Variants in NKAIN2 observed in about 807,000 individuals in gnomAD.
NKAIN2 encodes sodium/potassium-transporting ATPase subunit beta-1-interacting protein 2.
A neutral mutation model predicts 32.6 loss-of-function variants in NKAIN2; 14 were observed. The ratio of observed to expected loss-of-function variants is 0.43; its 90% CI spans 0.28 to 0.67. The LOEUF is 0.67. Among genes scored for constraint, NKAIN2 ranks in the 30% least tolerant of loss-of-function variants. NKAIN2 has a pLI of 0.17. For synonymous variants in NKAIN2, 80 were observed against 87.2 expected, an observed-to-expected ratio of 0.92 and a Z score of 0.46; for missense variants, 198 against 258.3, an observed-to-expected ratio of 0.77 and a Z score of 1.60.
intron 3 of NKAIN2, among the ~76,000 whole-genome samples, chr6:124,420,272 ACT>A (rs1774687547): frequency 6.6e-6 from 1 of 152,188 alleles, no homozygotes; most frequent in African/African-American, 2.4e-5. Context: ...TCTTGGCCTT[ACT>A]CTCTGTATTG....
chr6:124,673,411 G>A (rs190553913), intron 4 of NKAIN2, among the ~76,000 whole-genome samples: 60 of 152,176 alleles, frequency 3.9e-4, no homozygotes, highest in Non-Finnish European at 7.8e-4. Flanking sequence ...ATCCAAAAGT[G>A]AAATTGTTGA....
chr6:124,718,384 A>T (rs964318502), intron 4 of NKAIN2, among the ~76,000 whole-genome samples: 3 of 152,146 alleles, frequency 2.0e-5, no homozygotes, highest in African/African-American at 4.8e-5. Context: ...TTCAAAGTTC[A>T]TTCATGTCAT....
rs562898182 is a variant in NKAIN2 at position 123,809,442 on chromosome 6, A to G, written c.54+5188A>G. ...CATTTGTTCTTACCATTCCCAAGAG[A>G]TTAAAGCACATTTAAAAATTATGAA... On this transcript the variant is annotated intron_variant, in intron 1 of 6. Transcript: ENST00000368417. 1.7e-4 allele frequency among the ~76,000 whole-genome samples: 26 copies of G among 152,302 alleles called. No individual in the cohort carries two copies. The East Asian group carries it at 5.0e-3, about 29-fold the overall frequency.
In NKAIN2 at chr6:124,056,280, T is replaced by G. The variant is rs146703449; in HGVS notation, c.55-226725T>G. Among the ~76,000 whole-genome samples the G allele has an allele frequency of 3.5e-3, 526 of 152,064 alleles. 5 individuals are homozygous for G. Among genetic ancestry groups the G allele is most frequent in the East Asian group, 0.031 (161 of 5,164 alleles). ...CCACACAGTAATTGGTACTACATTT[T>G]TTTCTCATATAAAAAATAATAAAGC... is the stretch of plus-strand genomic sequence containing the variant. On this transcript the variant is annotated intron_variant, in intron 1 of 6. Transcript: ENST00000368417.
intron 3 of NKAIN2, among the ~76,000 whole-genome samples, chr6:124,553,177 T>C (rs568922358): frequency 5.9e-5 from 9 of 152,232 alleles, no homozygotes; most frequent in African/African-American, 2.2e-4. Context: ...TGAATCGTTA[T>C]TGGAATTCCT....
chr6:124,053,388 C>T (rs887339738), intron 1 of NKAIN2, among the ~76,000 whole-genome samples: 9 of 152,070 alleles, frequency 5.9e-5, no homozygotes, highest in African/African-American at 2.2e-4. Flanking sequence ...GTTAATCACA[C>T]ATCTCTTCTT....
intron 1 of NKAIN2, among the ~76,000 whole-genome samples, chr6:124,050,219 A>C (rs17086545): frequency 6.6e-6 from 1 of 151,814 alleles, no homozygotes; most frequent in East Asian, 2.0e-4. Flanking sequence ...TTATAGTTTT[A>C]TAGGGCACTC....
rs185941740 is a variant in NKAIN2 at position 123,906,434 on chromosome 6, G to A, written c.54+102180G>A. Among the ~76,000 whole-genome samples, 623 of 152,178 alleles carry A rather than the reference G, an allele frequency of 4.1e-3. 2 individuals carry two copies. The highest frequency in any genetic ancestry group is 7.3e-3 in the Non-Finnish European group (497 of 67,998). ...GCCTCCTGAGTAGCTGGGACTACAG[G>A]CATGCGCCATCACATCCAGCTAATT... is the stretch of plus-strand genomic sequence containing the variant. On this transcript the variant is annotated intron_variant, in intron 1 of 6. Transcript: ENST00000368417.
intron 3 of NKAIN2, among the ~76,000 whole-genome samples, chr6:124,584,219 A>G (rs1256085166): frequency 1.3e-5 from 2 of 152,204 alleles, no homozygotes; most frequent in South Asian, 2.1e-4. Flanking sequence ...CCACAGAACA[A>G]GAGAAAACAT....
chr6:123,819,960 A>G (rs1773857682), intron 1 of NKAIN2, among the ~76,000 whole-genome samples: 1 of 152,220 alleles, frequency 6.6e-6, no homozygotes, highest in African/African-American at 2.4e-5. Flanking sequence ...TATATTTTAG[A>G]TGGTAACCTG....
intron 3 of NKAIN2, among the ~76,000 whole-genome samples, chr6:124,356,034 A>G (rs1798954726): frequency 6.6e-6 from 1 of 152,172 alleles, no homozygotes; most frequent in Non-Finnish European, 1.5e-5. Flanking sequence ...GGTAGTAGCA[A>G]ATTCTGACTC....
At chr6:124,533,491 A>AAAAAAAAAAAC (rs57654153) in intron 3 of NKAIN2, among the ~76,000 whole-genome samples, 2 of 149,246 alleles carry the variant, frequency 1.3e-5, no homozygotes, top group African/African-American at 2.5e-5. Flanking sequence ...AAAAAAAAAA[A>AAAAAAAAAAAC]TCCTGCTGAT....
At chr6:124,368,426 T>C (rs1799612831) in intron 3 of NKAIN2, among the ~76,000 whole-genome samples, 2 of 152,134 alleles carry the variant, frequency 1.3e-5, no homozygotes, top group Admixed American at 1.3e-4. Flanking sequence ...TGACATCTTT[T>C]ACTATTCCTA....
At chr6:124,354,116 A>T (rs1158060141) in intron 2 of NKAIN2, among the ~76,000 whole-genome samples, 6 of 152,148 alleles carry the variant, frequency 3.9e-5, no homozygotes, top group African/African-American at 1.4e-4. Flanking sequence ...AGCTTGATTC[A>T]TCTCTTCTGG....
intron 1 of NKAIN2, among the ~76,000 whole-genome samples, chr6:123,821,281 A>G (rs533460479): frequency 6.6e-6 from 1 of 152,278 alleles, no homozygotes; most frequent in South Asian, 2.1e-4. Context: ...TGGCTCCTTC[A>G]TATTGTCTCT....
At chr6:124,352,835 C>A (rs940259208) in intron 2 of NKAIN2, among the ~76,000 whole-genome samples, 1 of 152,178 alleles carries the variant, frequency 6.6e-6, no homozygotes, top group Admixed American at 6.5e-5. Context: ...GCTTAGCCCC[C>A]TAATTCTGTC....
At chr6:124,411,686 C>T (rs1053538566) in intron 3 of NKAIN2, among the ~76,000 whole-genome samples, 1 of 152,126 alleles carries the variant, frequency 6.6e-6, no homozygotes, top group Non-Finnish European at 1.5e-5. Flanking sequence ...CGAGGAGTAT[C>T]TTTGTGGCGT....
intron 6 of NKAIN2, among the ~76,000 whole-genome samples, chr6:124,821,184 A>C (rs1410968938): frequency 6.6e-6 from 1 of 151,762 alleles, no homozygotes; most frequent in Non-Finnish European, 1.5e-5. Flanking sequence ...AATCCCAGTT[A>C]CTCGGGAGGC....
intron 4 of NKAIN2, among the ~76,000 whole-genome samples, chr6:124,664,719 G>A (rs796693878): frequency 2.2e-5 from 3 of 133,450 alleles, no homozygotes; most frequent in East Asian, 4.7e-4. Flanking sequence ...GCGTGAACCC[G>A]GGAGGCGGAG....
Sources: gnomAD v4.1 joint callset for allele counts (sites outside exome capture counted in the v4.1 genomes callset) on GRCh38, gnomAD v4.1.1 for gene constraint, MANE v1.5 for transcripts, NCBI Gene and HGNC (gene_info 2026-07-23, HGNC 2026-07-21) for gene names.